Variants in SBF2 observed in about 807,000 individuals in gnomAD.
SBF2 encodes the protein myotubularin-related protein 13.
In SBF2, 112 loss-of-function variants were observed where a neutral mutation model predicts 225.2. That is an observed-to-expected ratio of 0.50 (90% CI 0.43 to 0.58). The LOEUF is 0.58. SBF2 is among the 20% of genes least tolerant of loss of function. The pLI is 0.00. For missense variants in SBF2, 1,996 were observed against 2,206.2 expected (o/e 0.90, Z 1.91); for synonymous variants, 763 against 773.3 (o/e 0.99, Z 0.22).
intron 2 of SBF2, among the ~76,000 whole-genome samples, chr11:10,071,265 C>CT (rs945479458): frequency 0.02 from 2,092 of 102,976 alleles, 34 homozygotes; most frequent in African/African-American, 0.039. Context: ...CTCTCTCTCT[C>CT]TTTTTTTTTT....
At chr11:9,882,751 C>T (rs1229978301) in intron 17 of SBF2, among the ~76,000 whole-genome samples, 7 of 131,684 alleles carry the variant, frequency 5.3e-5, no homozygotes, top group East Asian at 2.3e-4. Context: ...GAGGTTGCAG[C>T]GAGCTGAGAT....
At chr11:9,872,818 AAATAAT>A (rs1013676852) in intron 17 of SBF2, among the ~76,000 whole-genome samples, 15 of 152,100 alleles carry the variant, frequency 9.9e-5, no homozygotes, top group Non-Finnish European at 1.6e-4. Flanking sequence ...GAGTTCGAGT[AAATAAT>A]AATAATAAAT....
At chr11:9,827,993 C>G in intron 28 of SBF2, 1 of 421,828 alleles carries the variant, frequency 2.4e-6, no homozygotes. Flanking sequence ...TACATTTGAC[C>G]ATTCATTCAG....
intron 1 of SBF2, among the ~76,000 whole-genome samples, chr11:10,289,860 G>A (rs929704458): frequency 2.0e-5 from 3 of 152,146 alleles, no homozygotes; most frequent in African/African-American, 7.2e-5. Flanking sequence ...TGGTGACACA[G>A]GGCCAGGGTC....
intron 1 of SBF2, among the ~76,000 whole-genome samples, chr11:10,221,928 C>T (rs1177310940): frequency 6.6e-6 from 1 of 152,124 alleles, no homozygotes; most frequent in African/African-American, 2.4e-5. Flanking sequence ...TTCAGGAAGA[C>T]CACAGTTGCT....
At chr11:10,297,334 A>AGAG (rs1964557893), upstream of SBF2, among the ~76,000 whole-genome samples, 1 of 152,172 alleles carries the variant, frequency 6.6e-6, no homozygotes. Context: ...TACTAGGATT[A>AGAG]GAGGCATGAG....
chr11:10,045,060 C>T (rs368800135), intron 2 of SBF2, among the ~76,000 whole-genome samples: 16 of 152,068 alleles, frequency 1.1e-4, no homozygotes, highest in African/African-American at 3.6e-4. Context: ...GGGACCCTAG[C>T]TGTTTTTGTA....
chr11:10,130,795 G>A (rs183003011), intron 2 of SBF2, among the ~76,000 whole-genome samples: 1 of 152,206 alleles, frequency 6.6e-6, no homozygotes, highest in Admixed American at 6.5e-5. Flanking sequence ...TACAGTATGT[G>A]TCTTTTTGAG....
At chr11:9,993,417 C>T (rs1380276034) in intron 10 of SBF2, among the ~76,000 whole-genome samples, 1 of 152,154 alleles carries the variant, frequency 6.6e-6, no homozygotes, top group African/African-American at 2.4e-5. Flanking sequence ...TCCTTATTGG[C>T]TACAAAGCCC....
chr11:10,215,546 C>T (rs1958097819), intron 1 of SBF2, among the ~76,000 whole-genome samples: 1 of 152,074 alleles, frequency 6.6e-6, no homozygotes, highest in African/African-American at 2.4e-5. Flanking sequence ...TCGCTTGAGC[C>T]CAGGAGGTCA....
At chr11:10,113,150 C>T (rs1952960793) in intron 2 of SBF2, among the ~76,000 whole-genome samples, 1 of 151,900 alleles carries the variant, frequency 6.6e-6, no homozygotes, top group East Asian at 1.9e-4. Context: ...CACACCACCA[C>T]ATCTGGCTGA....
chr11:9,957,452 ATCT>A (rs1198703363), intron 16 of SBF2: 4 of 136,362 alleles, frequency 2.9e-5, no homozygotes, highest in Non-Finnish European at 6.4e-5. Context: ...TATATATATA[ATCT>A]TCTTGTTTTT....
chr11:10,228,815 G>A (rs1442797930), intron 1 of SBF2, among the ~76,000 whole-genome samples: 1 of 152,150 alleles, frequency 6.6e-6, no homozygotes, highest in African/African-American at 2.4e-5. Flanking sequence ...TTGGTATCAG[G>A]ATGATGCTGG....
At chr11:9,908,851 A>ATT (rs34026186) in intron 16 of SBF2, among the ~76,000 whole-genome samples, 5 of 125,352 alleles carry the variant, frequency 4.0e-5, no homozygotes, top group Non-Finnish European at 1.7e-5. Flanking sequence ...CGCATGGCTA[A>ATT]TTTTTTTTTT....
At chr11:9,829,519 A>G in intron 27 of SBF2, 23 bp from the exon 28 acceptor site, 1 of 1,566,974 alleles carries the variant, frequency 6.4e-7, no homozygotes. Flanking sequence ...AATATATTGA[A>G]TAAAATAAAC....
intron 30 of SBF2, chr11:9,811,172 C>A (rs778681857): frequency 6.6e-6 from 1 of 152,096 alleles, no homozygotes; most frequent in African/African-American, 2.4e-5. Flanking sequence ...AAGGAATAGA[C>A]GCCTGGGGCG....
At chr11:10,132,543 C>T (rs1397766170) in intron 2 of SBF2, among the ~76,000 whole-genome samples, 2 of 146,706 alleles carry the variant, frequency 1.4e-5, no homozygotes, top group East Asian at 2.3e-4. Flanking sequence ...TAAGGCAGCG[C>T]GTCTGGAGTT....
At chr11:10,052,571 T>C (rs1018528768) in intron 2 of SBF2, among the ~76,000 whole-genome samples, 2 of 152,218 alleles carry the variant, frequency 1.3e-5, no homozygotes, top group African/African-American at 4.8e-5. Flanking sequence ...AAACTCTATA[T>C]GTTAATGCAT....
intron 1 of SBF2, among the ~76,000 whole-genome samples, chr11:10,196,866 A>ATATATTTTTTTTTTTT: frequency 9.1e-5 from 9 of 99,296 alleles, no homozygotes; most frequent in African/African-American, 4.0e-5. Context: ...ATATATATAT[A>ATATATTTTTTTTTTTT]TTTTTTTTTT....
Sources: allele counts gnomAD v4.1 joint callset (sites outside exome capture counted in the v4.1 genomes callset), GRCh38; gene constraint gnomAD v4.1.1; transcripts MANE v1.5; gene names NCBI Gene and HGNC (gene_info 2026-07-23, HGNC 2026-07-21).